The following C1orf141 variants were observed in gnomAD, a reference collection of about 807,000 sequenced individuals.
C1orf141 encodes chromosome 1 open reading frame 141.
Under a neutral mutation model 23.2 loss-of-function variants are expected in C1orf141, and 19 were observed. That is an observed-to-expected ratio of 0.82 (90% CI 0.57 to 1.20). The LOEUF is 1.20. Among genes scored for constraint, C1orf141 ranks in the 50% most tolerant of loss-of-function variants. The probability of loss-of-function intolerance (pLI) is 0.00; values close to 1 mark genes in which losing one functional copy is unlikely to be tolerated. For synonymous variants in C1orf141, 153 were observed against 154.6 expected (o/e 0.99, Z 0.08); for missense variants, 469 against 455.1 (o/e 1.03, Z -0.28).
intron 1 of C1orf141, among the ~76,000 whole-genome samples, chr1:67,133,453 G>A (rs2102512558): frequency 6.6e-6 from 1 of 152,286 alleles, no homozygotes; most frequent in Middle Eastern, 3.4e-3. Flanking sequence ...TTAGATAACT[G>A]GCTGAGTTAT....
chr1:67,112,114 C>T (rs966009880), intron 5 of C1orf141, among the ~76,000 whole-genome samples: 7 of 152,122 alleles, frequency 4.6e-5, no homozygotes, highest in Non-Finnish European at 1.0e-4. Flanking sequence ...TAGCCTGGGT[C>T]CAAATTGCAC....
intron 5 of C1orf141, among the ~76,000 whole-genome samples, chr1:67,112,794 A>G (rs1331939974): frequency 2.6e-5 from 4 of 152,216 alleles, no homozygotes; most frequent in African/African-American, 9.7e-5. Flanking sequence ...AGGGAGAACC[A>G]TAAAAGAGGT....
Position 67,125,869 on chromosome 1 carries a change from G to A in C1orf141, c.116C>T (p.Ala39Val), listed in dbSNP as rs754415314. The change falls in exon 4 of 8, where the codon GCT (alanine) becomes GTT (valine). Residue 39 changes from alanine (A) to valine (V), a missense_variant. Ala to Val is a moderately conservative substitution (Grantham distance 64, BLOSUM62 0). Around this residue, in one of 3 missense-constraint regions of C1orf141, gnomAD observed 95 missense variants for 90.3 expected, o/e 1.05. Coordinates refer to ENST00000684719, the MANE Select transcript of C1orf141 (RefSeq NM_001276351.2). ...LQSEGRKTTM[A>V]IPLTFDFQLE... is the part of the protein sequence containing the mutation. ...CTGAAAATCAAATGTCAGGGGTATAGCCATAGTTGTTTTTCTTCCTTCACT... is the reference window on the plus strand; with the variant it reads ...CTGAAAATCAAATGTCAGGGGTATAACCATAGTTGTTTTTCTTCCTTCACT... 6.2e-7 allele frequency: 1 copy of A among 1,608,666 alleles called. No individual in the cohort carries two copies. Among genetic ancestry groups the A allele is most frequent in the Admixed American group, 1.7e-5 (1 of 59,206 alleles).
chr1:67,140,412 T>G (rs1646625906), intron 1 of C1orf141, among the ~76,000 whole-genome samples: 1 of 152,192 alleles, frequency 6.6e-6, no homozygotes, highest in East Asian at 1.9e-4. Flanking sequence ...ATGCTGAATA[T>G]AGTCACTTTA....
intron 2 of C1orf141, among the ~76,000 whole-genome samples, chr1:67,127,562 G>C (rs1373565873): frequency 6.6e-6 from 1 of 151,950 alleles, no homozygotes; most frequent in Non-Finnish European, 1.5e-5. Flanking sequence ...AAGACCATGT[G>C]GCTTGACTTA....
chr1:67,108,664 G>T (rs1645990693), intron 5 of C1orf141, among the ~76,000 whole-genome samples: 1 of 152,088 alleles, frequency 6.6e-6, no homozygotes, highest in Non-Finnish European at 1.5e-5. Flanking sequence ...GGAGGTGAAG[G>T]TTGCAGTGAG....
chr1:67,095,739 A>C (rs2102414056), intron 6 of C1orf141: 1 of 218,442 alleles, frequency 4.6e-6, no homozygotes, highest in East Asian at 1.1e-4. Context: ...TTCTGGAAGA[A>C]GCTCCACAGG....
intron 5 of C1orf141, among the ~76,000 whole-genome samples, chr1:67,108,872 A>G (rs1355619800): frequency 1.3e-5 from 2 of 152,206 alleles, no homozygotes. Context: ...AATTAAAACC[A>G]CAATGAGATA....
At chr1:67,141,494 A>G (rs1307916929) in intron 1 of C1orf141, among the ~76,000 whole-genome samples, 2 of 152,136 alleles carry the variant, frequency 1.3e-5, no homozygotes, top group Admixed American at 6.5e-5. Context: ...CCAGGGACTC[A>G]TGTCTATAAT....
At chr1:67,115,069 C>T (rs191608095) in intron 5 of C1orf141, among the ~76,000 whole-genome samples, 83 of 152,342 alleles carry the variant, frequency 5.4e-4, no homozygotes, top group African/African-American at 1.8e-3. Context: ...AGGAAATTCT[C>T]AGCATTGAGC....
At chr1:67,133,273 G>C (rs1377980997) in intron 1 of C1orf141, among the ~76,000 whole-genome samples, 1 of 152,160 alleles carries the variant, frequency 6.6e-6, no homozygotes, top group Non-Finnish European at 1.5e-5. Flanking sequence ...AAATTATCTA[G>C]AAAATGCAGG....
At position 67,133,635 on chromosome 1, in the gene C1orf141, A is replaced by T. The variant is rs115495664; in HGVS notation, c.-104+1295T>A. Among the ~76,000 whole-genome samples, 362 of 152,336 alleles carry T rather than the reference A, an allele frequency of 2.4e-3. 2 individuals carry two copies. The highest frequency in any genetic ancestry group is 8.4e-3 in the African/African-American group (348 of 41,562). On this transcript the variant is annotated intron_variant, in intron 1 of 7. Transcript: ENST00000684719. ...TTGTATTTGGACATACAGCATTTAA[A>T]GAGTAAAGTTAAAATGGGGTTGTTA...
chr1:67,111,206 A>G (rs1451756387), intron 5 of C1orf141, among the ~76,000 whole-genome samples: 1 of 152,016 alleles, frequency 6.6e-6, no homozygotes, highest in Admixed American at 6.6e-5. Context: ...GCATACTCAA[A>G]AAAAGGTCTT....
intron 5 of C1orf141, among the ~76,000 whole-genome samples, chr1:67,112,700 G>C (rs1646100824): frequency 6.6e-6 from 1 of 151,958 alleles, no homozygotes; most frequent in African/African-American, 2.4e-5. Context: ...GACCGTGTCA[G>C]AAAAAGAAAA....
intron 3 of C1orf141, among the ~76,000 whole-genome samples, chr1:67,126,586 C>T (rs1646418247): frequency 6.6e-6 from 1 of 152,172 alleles, no homozygotes; most frequent in Non-Finnish European, 1.5e-5. Context: ...CAACTAGGAG[C>T]TCAGGCAAAA....
chr1:67,093,742 T>G (rs1379101389), intron 7 of C1orf141, 138 bp from the exon 8 acceptor site: 1 of 570,782 alleles, frequency 1.8e-6, no homozygotes, highest in African/African-American at 1.9e-5. Flanking sequence ...ACAGTAGCAT[T>G]ATTCAAATAC....
intron 5 of C1orf141, among the ~76,000 whole-genome samples, chr1:67,099,538 G>A (rs1375202852): frequency 6.6e-6 from 1 of 152,094 alleles, no homozygotes; most frequent in Non-Finnish European, 1.5e-5. Context: ...CCAGCACTCT[G>A]GGAGCCCAAG....
chr1:67,096,353 C>T, intron 5 of C1orf141, 32 bp from the exon 6 acceptor site: 1 of 1,064,578 alleles, frequency 9.4e-7, no homozygotes, highest in Non-Finnish European at 1.4e-6. Context: ...ATAAAAGACA[C>T]ATAGATATTC....
chr1:67,103,904 G>A (rs1246120990), intron 5 of C1orf141, among the ~76,000 whole-genome samples: 6 of 152,084 alleles, frequency 3.9e-5, no homozygotes, highest in East Asian at 1.9e-4. Flanking sequence ...ATATCTAGGC[G>A]CTCAAAATAT....
Sources: gnomAD v4.1 joint callset for allele counts (sites outside exome capture counted in the v4.1 genomes callset) on GRCh38, gnomAD v4.1.1 for gene constraint, gnomAD v4.1.1 regional missense constraint, MANE v1.5 for transcripts, NCBI Gene and HGNC (gene_info 2026-07-23, HGNC 2026-07-21) for gene names.